Variants in VWA2 observed in about 807,000 individuals in gnomAD.
The protein encoded by VWA2 is von Willebrand factor A domain containing 2, also known as von Willebrand factor A domain-containing protein 2.
VWA2 carries 73 observed loss-of-function variants against 70.4 expected under a neutral mutation model. The ratio of observed to expected loss-of-function variants is 1.04; its 90% CI spans 0.86 to 1.26. The LOEUF (loss-of-function observed/expected upper bound fraction) is 1.26, where lower values mean the gene tolerates loss of function less well. Among genes scored for constraint, VWA2 ranks in the 50% most tolerant of loss-of-function variants. The pLI, the probability that VWA2 is intolerant of heterozygous loss-of-function variation, is 0.00. For synonymous variants in VWA2, 407 were observed against 423.3 expected, an observed-to-expected ratio of 0.96 and a Z score of 0.47; for missense variants, 1,011 against 998.5, an observed-to-expected ratio of 1.01 and a Z score of -0.17.
At chr10:114,255,857 A>G (rs1187018866) in intron 4 of VWA2, among the ~76,000 whole-genome samples, 2 of 152,192 alleles carry the variant, frequency 1.3e-5, no homozygotes, top group African/African-American at 4.8e-5. Context: ...CTTCAGGCAT[A>G]TGAAAAGAAG....
At chr10:114,250,573 T>C in intron 2 of VWA2, among the ~76,000 whole-genome samples, 1 of 152,200 alleles carries the variant, frequency 6.6e-6, no homozygotes, top group East Asian at 1.9e-4. Flanking sequence ...TGAGTAGGTA[T>C]TTGTTCTCTG....
chr10:114,289,113 C>T lies in VWA2; in HGVS notation c.1746C>T (p.Ala582=). The stretch of plus-strand genomic sequence containing the variant: ...TGTATGGCAGCCAGGTGCAGACTGC[C>T]TTCGGGCTGGACACCAAACCCACCC... ...LVVYGSQVQT[A]FGLDTKPTRA... The change falls in exon 12 of 14, where the codon GCC becomes GCT. Residue 582 remains alanine, a synonymous_variant. Transcript: ENST00000392982. 6.2e-7 allele frequency: 1 copy of T among 1,614,148 alleles called. No individual in the cohort carries two copies. The highest frequency in any genetic ancestry group is 2.2e-5 in the East Asian group (1 of 44,874).
rs2133768763 is a variant in VWA2, at chr10:114,292,536, T to G, written c.*1299T>G. Among the ~76,000 whole-genome samples, 2 of 151,292 alleles carry G rather than the reference T, an allele frequency of 1.3e-5. No individual in the cohort carries two copies. The highest frequency in any genetic ancestry group is 1.3e-4 in the Admixed American group (2 of 15,070). ...TGGTTATTTATTAAACAGGGATATT[T>G]GTACCTATGTGGCAAAGAGGCATAT... is the stretch of plus-strand genomic sequence containing the variant. On this transcript the variant is annotated 3_prime_UTR_variant, in exon 14 of 14. Transcript: ENST00000392982.
intron 2 of VWA2, among the ~76,000 whole-genome samples, chr10:114,249,065 G>T (rs1252627655): frequency 6.6e-6 from 1 of 151,970 alleles, no homozygotes; most frequent in East Asian, 1.9e-4. Flanking sequence ...CGTTACATAG[G>T]TAAATGTGTG....
At position 114,253,714 on chromosome 10, in the gene VWA2, C is replaced by A. The variant is rs917531503; in HGVS notation, c.116C>A (p.Ala39Asp). 1.2e-6 allele frequency: 2 copies of A among 1,612,376 alleles called. No individual in the cohort carries two copies. The highest frequency in any genetic ancestry group is 8.5e-7 in the Non-Finnish European group (1 of 1,179,764). The change falls in exon 3 of 14, where the codon GCT (alanine) becomes GAT (aspartate). Residue 39 changes from alanine (A) to aspartate (D), a missense_variant. Transcript: ENST00000392982. ...VSKETIGKIS[A>D]ASKMMWCSAA... is the part of the protein sequence containing the mutation. The stretch of plus-strand genomic sequence containing the variant: ...AAAGAAACCATCGGGAAGATTTCAG[C>A]TGCCAGCAAAAGTAAGCCCAGGTTC...
At position 114,282,577 on chromosome 10, in the gene VWA2, G is replaced by A; in HGVS notation, c.889+6G>A. On this transcript the variant is annotated splice_donor_region_variant and intron_variant, in intron 9 of 13. Transcript: ENST00000392982. ...CTACAGGACCACCTGCCCAGGTATG[G>A]TCTGTCTCTTGGATTTACAGGTTCT... 1 of 1,613,674 alleles carries A rather than the reference G, an allele frequency of 6.2e-7. No homozygotes were observed. Among genetic ancestry groups the A allele is most frequent in the Middle Eastern group, 1.6e-4 (1 of 6,062 alleles).
At chr10:114,245,842 G>A (rs2037056757) in intron 1 of VWA2, among the ~76,000 whole-genome samples, 1 of 152,216 alleles carries the variant, frequency 6.6e-6, no homozygotes, top group South Asian at 2.1e-4. Flanking sequence ...GACCCTGCAC[G>A]AAGACTCTCA....
chr10:114,294,210 ATC>A lies in VWA2; in HGVS notation c.*2975_*2976del, dbSNP rs2039861629. Among the ~76,000 whole-genome samples, 1 of 152,084 alleles carries A rather than the reference ATC, an allele frequency of 6.6e-6. No individual in the cohort carries two copies. Among genetic ancestry groups the A allele is most frequent in the African/African-American group, 2.4e-5 (1 of 41,418 alleles). On this transcript the variant is annotated 3_prime_UTR_variant, in exon 14 of 14. Transcript: ENST00000392982. The stretch of plus-strand genomic sequence containing the variant: ...CAACATCTTATTTCAGATTCTTTTA[ATC>A]TGTGTCCAACAATGAGATTTGTTTT...
intron 5 of VWA2, among the ~76,000 whole-genome samples, chr10:114,264,890 T>C (rs2037529843): frequency 6.6e-6 from 1 of 152,146 alleles, no homozygotes; most frequent in Non-Finnish European, 1.5e-5. Flanking sequence ...TGGCTAATTT[T>C]TGTATTTTTA....
At chr10:114,247,074 G>A (rs1242385328) in intron 1 of VWA2, among the ~76,000 whole-genome samples, 1 of 151,980 alleles carries the variant, frequency 6.6e-6, no homozygotes, top group Non-Finnish European at 1.5e-5. Flanking sequence ...GCCCTGACTC[G>A]ATCGGTTAAG....
intron 5 of VWA2, among the ~76,000 whole-genome samples, chr10:114,272,166 T>C (rs971270751): frequency 6.6e-6 from 1 of 152,214 alleles, no homozygotes; most frequent in Non-Finnish European, 1.5e-5. Flanking sequence ...GGCATCCCGA[T>C]GAGATGGGAC....
In VWA2 at chr10:114,278,819, T is replaced by C. The variant is rs1411096224; in HGVS notation, c.801T>C (p.Leu267=). 1.2e-6 allele frequency: 2 copies of C among 1,613,380 alleles called. No individual in the cohort carries two copies. Residue 267 remains leucine, a synonymous_variant, in exon 8 of 14, where the codon CTT becomes CTC. Coordinates refer to ENST00000392982, the MANE Select transcript of VWA2 (RefSeq NM_001272046.2). ...APCWRGSRRT[L]AVLAAHCPFY... The stretch of plus-strand genomic sequence containing the variant: ...GCTGGAGAGGATCGCGGCGGACCCT[T>C]GCGGTGCTGGCTGCACACTGTCCCT...
chr10:114,260,469 G>C (rs1261433906), intron 4 of VWA2, among the ~76,000 whole-genome samples: 5 of 152,316 alleles, frequency 3.3e-5, no homozygotes, highest in Admixed American at 3.3e-4. Context: ...AGCTTGGCAG[G>C]GGCAGGTCTG....
At chr10:114,283,535 T>C (rs116106102) in intron 9 of VWA2, among the ~76,000 whole-genome samples, 66 of 152,272 alleles carry the variant, frequency 4.3e-4, no homozygotes, top group African/African-American at 1.3e-3. Flanking sequence ...GAAATTAGGG[T>C]TTGAGGACTT....
intron 1 of VWA2, among the ~76,000 whole-genome samples, chr10:114,243,149 C>G (rs1242172263): frequency 6.6e-6 from 1 of 152,230 alleles, no homozygotes; most frequent in East Asian, 1.9e-4. Flanking sequence ...AACATGAACT[C>G]TCTTCTGGCT....
At chr10:114,267,317 A>G (rs993811321) in intron 5 of VWA2, among the ~76,000 whole-genome samples, 3 of 151,976 alleles carry the variant, frequency 2.0e-5, no homozygotes, top group Non-Finnish European at 4.4e-5. Context: ...GGGTTTCACC[A>G]TCTTGGCCAG....
At chr10:114,274,476 G>A (rs2037778746) in intron 6 of VWA2, among the ~76,000 whole-genome samples, 1 of 152,086 alleles carries the variant, frequency 6.6e-6, no homozygotes, top group Non-Finnish European at 1.5e-5. Context: ...GGATATGTTT[G>A]TTGTTTGTTG....
At position 114,286,403 on chromosome 10, in the gene VWA2, G is replaced by A. The variant is rs772073252; in HGVS notation, c.1462G>A (p.Glu488Lys). The A allele has an allele frequency of 6.2e-7, 1 of 1,613,938 alleles. No individual in the cohort carries two copies. Among genetic ancestry groups the A allele is most frequent in the African/African-American group, 1.3e-5 (1 of 75,078 alleles). The change falls in exon 11 of 14, where the codon GAG (glutamate) becomes AAG (lysine). Residue 488 changes from glutamate to lysine, a missense_variant. Glu to Lys is a moderately conservative substitution (Grantham distance 56, BLOSUM62 1). Transcript: ENST00000392982. ...VGSEAVRAEL[E>K]EITGSPKHVM... The stretch of plus-strand genomic sequence containing the variant: ...CAGTGAGGCCGTGCGGGCAGAGCTG[G>A]AGGAGATCACAGGCAGCCCAAAGCA...
chr10:114,243,892 G>A (rs1423511092), intron 1 of VWA2, among the ~76,000 whole-genome samples: 1 of 152,204 alleles, frequency 6.6e-6, no homozygotes, highest in African/African-American at 2.4e-5. Context: ...TGGGAACCAG[G>A]ATCCGAAGGC....
Sources: allele counts gnomAD v4.1 joint callset (sites outside exome capture counted in the v4.1 genomes callset), GRCh38; gene constraint gnomAD v4.1.1; transcripts MANE v1.5; gene names NCBI Gene and HGNC (gene_info 2026-07-23, HGNC 2026-07-21).